The following VPS8 variants were observed in gnomAD, a reference collection of about 807,000 sequenced individuals.
VPS8 encodes vacuolar protein sorting-associated protein 8 homolog.
VPS8 carries 129 observed loss-of-function variants against 216.4 expected under a neutral mutation model. The ratio of observed to expected loss-of-function variants is 0.60; its 90% CI spans 0.52 to 0.69. VPS8 has a LOEUF of 0.69. VPS8 is among the 30% of genes least tolerant of loss of function. The pLI is 0.00. For missense variants in VPS8, 1,531 were observed against 1,683.5 expected, an observed-to-expected ratio of 0.91 and a Z score of 1.59; for synonymous variants, 571 against 565.4, an observed-to-expected ratio of 1.01 and a Z score of -0.14.
At chr3:184,998,623 C>T (rs191039951) in intron 44 of VPS8, among the ~76,000 whole-genome samples, 202 of 150,930 alleles carry the variant, frequency 1.3e-3, no homozygotes, top group African/African-American at 3.6e-3. Context: ...CTGGAATGTC[C>T]GACATTTTAG....
intron 25 of VPS8, among the ~76,000 whole-genome samples, chr3:184,909,924 C>T: frequency 6.6e-6 from 1 of 151,808 alleles, no homozygotes; most frequent in Non-Finnish European, 1.5e-5. Context: ...TATCGTCTTC[C>T]ATTGTTTTAT....
At chr3:184,931,483 T>C (rs1222995305) in intron 34 of VPS8, among the ~76,000 whole-genome samples, 1 of 152,204 alleles carries the variant, frequency 6.6e-6, no homozygotes, top group Non-Finnish European at 1.5e-5. Context: ...TTGAACATTT[T>C]TTATAGATAT....
At position 184,968,800 on chromosome 3, in the gene VPS8, C is replaced by G. The variant is rs1198390384; in HGVS notation, c.3316+2087C>G. ...ACTTGGTGGGTGATTTTTAGATTAT[C>G]CTCTTTAACACACGTTTCTTAGAGA... On this transcript the variant is annotated intron_variant, in intron 39 of 47. Transcript: ENST00000625842. Among the ~76,000 whole-genome samples the G allele has an allele frequency of 3.3e-5, 5 of 152,294 alleles. No individual in the cohort carries two copies. In the East Asian group the frequency reaches 9.7e-4, roughly 29 times the overall value.
intron 47 of VPS8, among the ~76,000 whole-genome samples, chr3:185,050,854 G>C (rs1486513193): frequency 6.6e-6 from 1 of 152,102 alleles, no homozygotes; most frequent in African/African-American, 2.4e-5. Context: ...GCCTACACAG[G>C]GTCCCTTAGA....
At chr3:185,005,008 G>A (rs969430356) in intron 45 of VPS8, among the ~76,000 whole-genome samples, 7 of 151,556 alleles carry the variant, frequency 4.6e-5, no homozygotes, top group African/African-American at 1.7e-4. Context: ...TGGATTCAGG[G>A]CTTAGATTTA....
chr3:184,940,220 T>C lies in VPS8; in HGVS notation c.3012T>C (p.Phe1004=). Residue 1004 remains phenylalanine (F), a synonymous_variant, in exon 36 of 48, where the codon TTT becomes TTC. Coordinates refer to ENST00000625842, the MANE Select transcript of VPS8 (RefSeq NM_001009921.3). The part of the protein sequence containing the change: ...KLQNQVLLFK[F]LRSLLDPREG... ...AGAACCAGGTTTTGCTTTTCAAATT[T>C]TTGAGGAGTCTTCTTGACCCAAGGT... is the stretch of plus-strand genomic sequence containing the variant. The C allele has an allele frequency of 1.3e-6, 2 of 1,491,346 alleles. No homozygotes were observed. Among genetic ancestry groups the C allele is most frequent in the Non-Finnish European group, 1.8e-6 (2 of 1,112,744 alleles). 92.4% of individuals were successfully genotyped at this position (1,491,346 alleles called of 1,614,324 possible). A position where few individuals can be genotyped will look rare whatever the true frequency, so the allele number is the denominator to read the frequency against.
chr3:184,936,576 TATG>T (rs1034636519), intron 35 of VPS8, among the ~76,000 whole-genome samples: 32 of 146,334 alleles, frequency 2.2e-4, no homozygotes, highest in Non-Finnish European at 2.3e-4. Flanking sequence ...GGAGCAGTTG[TATG>T]ATGATCTCTT....
chr3:184,961,417 G>A (rs1460135189), intron 37 of VPS8, among the ~76,000 whole-genome samples: 2 of 152,162 alleles, frequency 1.3e-5, no homozygotes, highest in Non-Finnish European at 2.9e-5. Flanking sequence ...TTACAGAAAT[G>A]TGCTGAATAT....
At chr3:185,031,064 T>TTTTTTTTTTTG (rs1758065545) in intron 46 of VPS8, among the ~76,000 whole-genome samples, 1 of 78,754 alleles carries the variant, frequency 1.3e-5, no homozygotes, top group African/African-American at 7.9e-5. Flanking sequence ...CAGGTTGGCG[T>TTTTTTTTTTTG]TTTTTTTTTT....
intron 7 of VPS8, among the ~76,000 whole-genome samples, chr3:184,841,424 A>C (rs991001679): frequency 6.6e-6 from 1 of 152,230 alleles, no homozygotes; most frequent in African/African-American, 2.4e-5. Context: ...ATGGCTATAT[A>C]GTATTCTATT....
chr3:184,817,374 C>T (rs1716555418), intron 1 of VPS8: 2 of 152,208 alleles, frequency 1.3e-5, no homozygotes, highest in Admixed American at 1.3e-4. Flanking sequence ...TCTTTGCTCT[C>T]TCATGGAACC....
chr3:184,947,387 AAG>A (rs1334914649), intron 36 of VPS8, among the ~76,000 whole-genome samples: 3 of 152,146 alleles, frequency 2.0e-5, no homozygotes, highest in African/African-American at 4.8e-5. Flanking sequence ...ATTTTGACAT[AAG>A]AGTTTGGCAG....
At chr3:184,865,804 G>A (rs978945352) in intron 16 of VPS8, among the ~76,000 whole-genome samples, 27 of 152,092 alleles carry the variant, frequency 1.8e-4, no homozygotes, top group African/African-American at 5.8e-4. Flanking sequence ...CCTGGCCAAC[G>A]TAGTGAAACC....
chr3:184,949,052 C>T (rs1744193667), intron 36 of VPS8, among the ~76,000 whole-genome samples: 1 of 152,010 alleles, frequency 6.6e-6, no homozygotes, highest in Admixed American at 6.6e-5. Flanking sequence ...ACACCTGTAA[C>T]CTCACCACTT....
chr3:184,982,834 T>G (rs1203957167), intron 41 of VPS8, among the ~76,000 whole-genome samples, 178 bp from the exon 42 acceptor site: 2 of 152,224 alleles, frequency 1.3e-5, no homozygotes, highest in Non-Finnish European at 2.9e-5. Flanking sequence ...ATATAATTTA[T>G]CTTAAGTAAT....
Position 184,929,658 on chromosome 3 carries a change from G to A in VPS8, c.2793G>A (p.Leu931=), listed in dbSNP as rs1360040343. ...KIIDCYLRDP[L]REEEVFNYIH... ...TTGATTGCTACTTACGTGACCCTCT[G>A]CGAGAGGTGAGTCAAGATACTGCTT... The change falls in exon 33 of 48, where the codon CTG becomes CTA. Residue 931 remains leucine (L), a synonymous_variant. Transcript: ENST00000625842. 2 of 1,505,780 alleles carry A rather than the reference G, an allele frequency of 1.3e-6. No homozygotes were observed. Among genetic ancestry groups the A allele is most frequent in the Non-Finnish European group, 1.8e-6 (2 of 1,120,986 alleles). 93.3% of individuals were successfully genotyped at this position (1,505,780 alleles called of 1,614,324 possible).
chr3:184,886,151 G>A lies in VPS8; in HGVS notation c.1776G>A (p.Gln592=). 2 of 1,608,082 alleles carry A rather than the reference G, an allele frequency of 1.2e-6. No homozygotes were observed. The highest frequency in any genetic ancestry group is 1.7e-6 in the Non-Finnish European group (2 of 1,177,028). ...PVIVDYCLLL[Q]RKDLLFSQMY... is the part of the protein sequence containing the mutation. ...TAGTTGATTACTGCCTTCTGCTGCAGCGAAAGTGAGTATGCGTTGCCTGTC... is the reference window on the plus strand; with the variant it reads ...TAGTTGATTACTGCCTTCTGCTGCAACGAAAGTGAGTATGCGTTGCCTGTC... The change falls in exon 22 of 48, where the codon CAG becomes CAA. Residue 592 remains glutamine (Q), a synonymous_variant. Transcript: ENST00000625842.
intron 44 of VPS8, 101 bp from the exon 45 acceptor site, chr3:184,999,595 T>C: frequency 7.3e-7 from 1 of 1,378,616 alleles, no homozygotes; most frequent in Non-Finnish European, 9.7e-7. Flanking sequence ...AGTGCATTTC[T>C]ACTTGTTAGA....
intron 46 of VPS8, among the ~76,000 whole-genome samples, chr3:185,026,626 G>T (rs1423828758): frequency 1.3e-5 from 2 of 151,046 alleles, no homozygotes; most frequent in Non-Finnish European, 2.9e-5. Context: ...TGGTCAGCTG[G>T]TCTCGAACTC....
Sources: allele counts gnomAD v4.1 joint callset (sites outside exome capture counted in the v4.1 genomes callset), GRCh38; gene constraint gnomAD v4.1.1; transcripts MANE v1.5; gene names NCBI Gene and HGNC (gene_info 2026-07-23, HGNC 2026-07-21).